The following NRXN3 variants were observed in gnomAD, a reference collection of about 807,000 sequenced individuals.
NRXN3 encodes the protein neurexin III.
NRXN3 carries 32 observed loss-of-function variants against 137.6 expected under a neutral mutation model. The observed-to-expected ratio is 0.23, with a 90% CI of 0.18 to 0.31. The LOEUF is 0.31. Ranked by LOEUF, NRXN3 falls within the 10% of genes least tolerant of loss-of-function variation. The pLI is 1.00. For synonymous variants in NRXN3, 798 were observed against 784.5 expected, an observed-to-expected ratio of 1.02 and a Z score of -0.29; for missense variants, 1,574 against 2,062.5, an observed-to-expected ratio of 0.76 and a Z score of 4.59.
intron 5 of NRXN3, among the ~76,000 whole-genome samples, chr14:78,649,548 T>A (rs2097719270): frequency 6.7e-6 from 1 of 149,216 alleles, no homozygotes; most frequent in Non-Finnish European, 1.5e-5. Context: ...TTTCAATTTT[T>A]TCCCCCAAAA....
intron 4 of NRXN3, among the ~76,000 whole-genome samples, chr14:78,435,924 C>T (rs770547031): frequency 2.0e-5 from 3 of 152,150 alleles, no homozygotes; most frequent in Non-Finnish European, 4.4e-5. Flanking sequence ...TTCTCATTTC[C>T]AAGGAGAATT....
chr14:78,260,577 C>T lies in NRXN3; in HGVS notation c.709+16775C>T, dbSNP rs147705303. Among the ~76,000 whole-genome samples, 509 of 152,252 alleles carry T rather than the reference C, an allele frequency of 3.3e-3. 1 individual carries two copies. The highest frequency in any genetic ancestry group is 0.012 in the African/African-American group (486 of 41,544). The stretch of plus-strand genomic sequence containing the variant: ...ATTCCCACATGTTGTGGAAGGGAGC[C>T]GGTGGGAGATAATTGAATCATGGGG... On this transcript the variant is annotated intron_variant, in intron 2 of 20. Transcript: ENST00000335750.
chr14:78,915,315 C>T (rs887623167), intron 10 of NRXN3, among the ~76,000 whole-genome samples: 2 of 110,854 alleles, frequency 1.8e-5, no homozygotes, highest in Admixed American at 2.6e-4. Context: ...GAATGAACTA[C>T]GTTTCCCAAA....
intron 15 of NRXN3, among the ~76,000 whole-genome samples, chr14:79,059,247 A>ATTTTTTTTTT (rs1555701604): frequency 2.1e-5 from 2 of 95,846 alleles, no homozygotes; most frequent in Non-Finnish European, 4.0e-5. Context: ...TTCAGGCCCT[A>ATTTTTTTTTT]TTCTTTTTTT....
chr14:79,827,632 G>A (rs2099309140), intron 20 of NRXN3, among the ~76,000 whole-genome samples: 1 of 151,944 alleles, frequency 6.6e-6, no homozygotes, highest in Non-Finnish European at 1.5e-5. Context: ...AAAGGTGAAG[G>A]GGGAACAGGT....
At chr14:78,657,540 A>T (rs938212904) in intron 6 of NRXN3, among the ~76,000 whole-genome samples, 1 of 152,228 alleles carries the variant, frequency 6.6e-6, no homozygotes, top group Non-Finnish European at 1.5e-5. Flanking sequence ...GGGAGAATAG[A>T]ACACATATTT....
chr14:79,741,911 C>G (rs922188778), intron 19 of NRXN3, among the ~76,000 whole-genome samples: 1 of 151,956 alleles, frequency 6.6e-6, no homozygotes, highest in African/African-American at 2.4e-5. Context: ...ACAACATATA[C>G]ATATAGATTT....
Position 79,183,796 on chromosome 14 carries a change from C to T in NRXN3, c.3262+195655C>T, listed in dbSNP as rs560368348. On this transcript the variant is annotated intron_variant, in intron 15 of 20. Coordinates refer to ENST00000335750, the MANE Select transcript of NRXN3 (RefSeq NM_001330195.2). ...GACAAGCTCTTGCATTCATAAAAGT[C>T]GAAAGGATTCCAGCTTAACGTTTCA... 5.3e-5 allele frequency among the ~76,000 whole-genome samples: 8 copies of T among 152,276 alleles called. No individual in the cohort carries two copies. The South Asian group carries it at 6.2e-4, about 12-fold the overall frequency.
chr14:79,333,901 C>T (rs1394246973), intron 15 of NRXN3, among the ~76,000 whole-genome samples: 4 of 152,040 alleles, frequency 2.6e-5, no homozygotes, highest in African/African-American at 4.8e-5. Context: ...CTTCATGTTG[C>T]CATCTCTCTC....
At chr14:79,857,059 A>G (rs2099404147) in intron 20 of NRXN3, among the ~76,000 whole-genome samples, 1 of 151,896 alleles carries the variant, frequency 6.6e-6, no homozygotes. Context: ...ATTTGCTTCC[A>G]TGAATACTTT....
chr14:79,818,983 T>C (rs1259375036), intron 20 of NRXN3, among the ~76,000 whole-genome samples: 2 of 152,214 alleles, frequency 1.3e-5, no homozygotes, highest in African/African-American at 4.8e-5. Flanking sequence ...AATGTTTGCA[T>C]ACCCTCTGTC....
intron 18 of NRXN3, 144 bp from the exon 19 acceptor site, chr14:79,697,486 C>T (rs1603437961): frequency 8.6e-6 from 6 of 700,970 alleles, no homozygotes; most frequent in East Asian, 2.7e-5. Context: ...TTGCTAACGT[C>T]AGTACTGAGG....
At chr14:78,406,074 T>C (rs932221552) in intron 4 of NRXN3, among the ~76,000 whole-genome samples, 12 of 152,142 alleles carry the variant, frequency 7.9e-5, no homozygotes, top group Non-Finnish European at 1.6e-4. Context: ...AGAAAAGACA[T>C]TCAGGAAAGA....
At chr14:79,778,959 C>T (rs144006959) in intron 19 of NRXN3, among the ~76,000 whole-genome samples, 1 of 152,288 alleles carries the variant, frequency 6.6e-6, no homozygotes, top group Non-Finnish European at 1.5e-5. Flanking sequence ...CTTTGGGTAA[C>T]CAAGCTCTGT....
At chr14:78,712,547 TTTAAC>T (rs1170826490) in intron 7 of NRXN3, among the ~76,000 whole-genome samples, 8 of 152,214 alleles carry the variant, frequency 5.3e-5, no homozygotes, top group Non-Finnish European at 1.2e-4. Context: ...ATTTATTGTT[TTTAAC>T]TTTAGTTAAT....
At chr14:78,865,060 A>G (rs2099083127) in intron 10 of NRXN3, among the ~76,000 whole-genome samples, 1 of 152,176 alleles carries the variant, frequency 6.6e-6, no homozygotes, top group African/African-American at 2.4e-5. Context: ...GTATGTCCTG[A>G]ACCCCATCAG....
intron 10 of NRXN3, among the ~76,000 whole-genome samples, chr14:78,940,504 G>A (rs2099351011): frequency 1.3e-5 from 2 of 152,032 alleles, no homozygotes; most frequent in African/African-American, 2.4e-5. Flanking sequence ...TTTGATCCAG[G>A]GATCAAAATA....
chr14:78,749,843 G>C (rs1363196636), intron 8 of NRXN3, among the ~76,000 whole-genome samples: 1 of 152,164 alleles, frequency 6.6e-6, no homozygotes, highest in Non-Finnish European at 1.5e-5. Flanking sequence ...CACAGGTCCT[G>C]CATGTTCTTG....
chr14:78,651,136 T>A (rs1298746217), intron 5 of NRXN3, 29 bp from the exon 6 acceptor site: 2 of 1,591,504 alleles, frequency 1.3e-6, no homozygotes, highest in Non-Finnish European at 1.7e-6. Context: ...ATTGTTGGGA[T>A]TTTTTTTGTC....
Sources: gnomAD v4.1 joint callset for allele counts (sites outside exome capture counted in the v4.1 genomes callset) on GRCh38, gnomAD v4.1.1 for gene constraint, MANE v1.5 for transcripts, NCBI Gene and HGNC (gene_info 2026-07-23, HGNC 2026-07-21) for gene names.